Variants in PFKP observed in about 807,000 individuals in gnomAD.
PFKP encodes the protein phosphofructokinase, platelet.
PFKP carries 101 observed loss-of-function variants against 94.3 expected under a neutral mutation model. That is an observed-to-expected ratio of 1.07 (90% CI 0.91 to 1.26). PFKP has a LOEUF of 1.26. Among genes scored for constraint, PFKP ranks in the 50% most tolerant of loss-of-function variants. PFKP has a pLI of 0.00. For missense variants in PFKP, 1,145 were observed against 1,103.3 expected, an observed-to-expected ratio of 1.04 and a Z score of -0.53; for synonymous variants, 573 against 432.6, an observed-to-expected ratio of 1.32 and a Z score of -4.03.
At chr10:3,110,924 G>T (rs1490544206) in intron 10 of PFKP, among the ~76,000 whole-genome samples, 1 of 151,958 alleles carries the variant, frequency 6.6e-6, no homozygotes, top group Admixed American at 6.6e-5. Context: ...TTGTACGTGT[G>T]TGCATGTTTT....
chr10:3,136,715 CT>C lies in PFKP; in HGVS notation c.*137del, dbSNP rs546424203. ...GGCGAGTGCCCATCTGCCCCACCTG[CT>C]CCAGTGCGTGCTGTCTGTGGAGTGT... On this transcript the variant is annotated 3_prime_UTR_variant, in exon 22 of 22. Transcript: ENST00000381125. 4.3e-4 allele frequency: 345 copies of C among 798,316 alleles called. 4 individuals are homozygous for C. The South Asian group carries it at 5.7e-3, about 13-fold the overall frequency. 49.5% of individuals were successfully genotyped at this position (798,316 alleles called of 1,614,324 possible).
chr10:3,133,428 T>TA (rs1588580686), intron 19 of PFKP, 114 bp downstream of exon 19: 3 of 754,182 alleles, frequency 4.0e-6, no homozygotes, highest in Non-Finnish European at 7.0e-6. Context: ...TCCAAGATGA[T>TA]AAAAAACATC....
chr10:3,123,351 G>A (rs1274087356), intron 16 of PFKP, among the ~76,000 whole-genome samples: 1 of 152,234 alleles, frequency 6.6e-6, no homozygotes, highest in Non-Finnish European at 1.5e-5. Context: ...GCTGCGCTTG[G>A]TCTTGAGAAT....
chr10:3,136,377 C>T (rs894463168), intron 21 of PFKP, 73 bp from the exon 22 acceptor site: 47 of 1,538,278 alleles, frequency 3.1e-5, no homozygotes, highest in Non-Finnish European at 3.8e-5. Flanking sequence ...AGACCGCTCG[C>T]TGTGCTGGCC....
At chr10:3,127,754 C>G (rs768255683) in intron 16 of PFKP, among the ~76,000 whole-genome samples, 1 of 152,206 alleles carries the variant, frequency 6.6e-6, no homozygotes, top group Non-Finnish European at 1.5e-5. Context: ...GCCTGTTTCT[C>G]TCCCCATCTC....
chr10:3,086,840 C>T (rs992951018), intron 2 of PFKP, among the ~76,000 whole-genome samples: 3 of 152,064 alleles, frequency 2.0e-5, no homozygotes, highest in East Asian at 1.9e-4. Context: ...GTGCTGTAGT[C>T]GCCCGTCTGT....
At chr10:3,067,839 C>A (rs1409852959) in intron 1 of PFKP, 132 bp downstream of exon 1, 9 of 456,900 alleles carry the variant, frequency 2.0e-5, no homozygotes, top group Non-Finnish European at 3.0e-5. Context: ...GGTGGCGAAG[C>A]GATGGGGAGA....
intron 2 of PFKP, among the ~76,000 whole-genome samples, chr10:3,093,460 G>C (rs1834216623): frequency 6.6e-6 from 1 of 152,082 alleles, no homozygotes; most frequent in Non-Finnish European, 1.5e-5. Flanking sequence ...ACTCTACAGG[G>C]TCTTTACCAG....
chr10:3,119,053 C>T (rs893818710), intron 15 of PFKP, among the ~76,000 whole-genome samples, 184 bp downstream of exon 15: 1 of 151,692 alleles, frequency 6.6e-6, no homozygotes, highest in African/African-American at 2.4e-5. Context: ...ACGAGTGGCC[C>T]AGTTCCAGTA....
At chr10:3,103,139 C>T (rs1191738732) in intron 4 of PFKP, among the ~76,000 whole-genome samples, 4 of 152,354 alleles carry the variant, frequency 2.6e-5, no homozygotes, top group Non-Finnish European at 5.9e-5. Flanking sequence ...TGTAACGTAT[C>T]CTGTTCAAAG....
Position 3,103,953 on chromosome 10 carries a change from C to T in PFKP, c.620+9C>T. 1.2e-6 allele frequency: 2 copies of T among 1,612,570 alleles called. No homozygotes were observed. The highest frequency in any genetic ancestry group is 1.7e-6 in the Non-Finnish European group (2 of 1,179,594). On this transcript the variant is annotated intron_variant, in intron 5 of 21. Transcript: ENST00000381125. ...ATGACCACGGCCCAGAGGTAAAGCGCTCAGAGGAACCGGCGGGAGGCCAGT... is the reference window on the plus strand; with the variant it reads ...ATGACCACGGCCCAGAGGTAAAGCGTTCAGAGGAACCGGCGGGAGGCCAGT...
Position 3,115,420 on chromosome 10 carries a change from C to CACA in PFKP, c.1372-1356_1372-1355insACA, listed in dbSNP as rs1564327406. Among the ~76,000 whole-genome samples the CACA allele has an allele frequency of 2.5e-4, 14 of 56,772 alleles. 4 individuals carry two copies. The East Asian group carries it at 9.3e-3, about 38-fold the overall frequency. The allele number at this position is 56,772 out of a possible 152,430, so 37.2% of individuals were successfully genotyped here. A position where few individuals can be genotyped will look rare whatever the true frequency, so the allele number is the denominator to read the frequency against. ...GATGCCGGGGTGAAGGTGTGTGTCCCGCCATGGAGGACAGGACTGGGGATG... is the reference window on the plus strand; with the variant it reads ...GATGCCGGGGTGAAGGTGTGTGTCCCACAGCCATGGAGGACAGGACTGGGGATG... On this transcript the variant is annotated intron_variant, in intron 13 of 21. Transcript: ENST00000381125.
intron 16 of PFKP, among the ~76,000 whole-genome samples, chr10:3,128,457 C>G (rs1013581502): frequency 6.6e-6 from 1 of 152,048 alleles, no homozygotes; most frequent in Admixed American, 6.5e-5. Flanking sequence ...CTGTGTGTCC[C>G]GTGGCCGCTG....
At position 3,129,942 on chromosome 10, in the gene PFKP, G is replaced by A. The variant is rs769052154; in HGVS notation, c.1807G>A (p.Ala603Thr). 2.9e-5 allele frequency: 46 copies of A among 1,603,664 alleles called. No homozygotes were observed. Among genetic ancestry groups the A allele is most frequent in the East Asian group, 6.7e-5 (3 of 44,662 alleles). ...MGGLAAGADA[A>T]YIFEEPFDIR... ...GGGGCTCGCGGCCGGAGCTGATGCC[G>A]CATACATTTTCGAAGAGCCCTTCGA... The change falls in exon 17 of 22, where the codon GCA becomes ACA. Residue 603 changes from alanine (A) to threonine (T), a missense_variant. Transcript: ENST00000381125.
chr10:3,108,801 G>C lies in PFKP; in HGVS notation c.963+8G>C. 6.3e-7 allele frequency: 1 copy of C among 1,582,628 alleles called. No homozygotes were observed. Among genetic ancestry groups the C allele is most frequent in the Non-Finnish European group, 8.7e-7 (1 of 1,151,304 alleles). On this transcript the variant is annotated splice_region_variant and intron_variant, in intron 9 of 21. Transcript: ENST00000381125. ...GCATTCGACAGGATCTTGGTGAGTT[G>C]GGAAGGGTTGGGCATCTTCACAAGG... is the stretch of plus-strand genomic sequence containing the variant.
intron 16 of PFKP, among the ~76,000 whole-genome samples, chr10:3,128,484 C>A (rs528848683): frequency 7.1e-6 from 1 of 140,674 alleles, no homozygotes. Context: ...TGACCACACA[C>A]CTGGGGCTGG....
intron 2 of PFKP, among the ~76,000 whole-genome samples, chr10:3,098,630 G>A (rs1834693036): frequency 1.5e-5 from 2 of 131,724 alleles, no homozygotes; most frequent in South Asian, 2.5e-4. Context: ...CCGAGATCGC[G>A]CCACTGCACT....
intron 4 of PFKP, among the ~76,000 whole-genome samples, chr10:3,102,033 C>A (rs575076088): frequency 1.3e-5 from 2 of 150,490 alleles, no homozygotes; most frequent in African/African-American, 4.9e-5. Flanking sequence ...GGGCGGATCA[C>A]GAGGTCAGGA....
intron 1 of PFKP, among the ~76,000 whole-genome samples, chr10:3,080,545 A>G (rs1832988425): frequency 6.8e-6 from 1 of 147,580 alleles, no homozygotes; most frequent in Non-Finnish European, 1.5e-5. Context: ...AAAAAAGAGA[A>G]TATTGAAACT....
Sources: allele counts gnomAD v4.1 joint callset (sites outside exome capture counted in the v4.1 genomes callset), GRCh38; gene constraint gnomAD v4.1.1; transcripts MANE v1.5; gene names NCBI Gene and HGNC (gene_info 2026-07-23, HGNC 2026-07-21).